Variants in SLIT3 observed in about 807,000 individuals in gnomAD.
The protein encoded by SLIT3 is slit homolog 3 protein.
SLIT3 carries 68 observed loss-of-function variants against 184.0 expected under a neutral mutation model. That is an observed-to-expected ratio of 0.37 (90% CI 0.30 to 0.45). The LOEUF (loss-of-function observed/expected upper bound fraction) is 0.45. Ranked by LOEUF, SLIT3 falls within the 20% of genes least tolerant of loss-of-function variation. The probability of loss-of-function intolerance (pLI) is 1.00; values close to 1 mark genes in which losing one functional copy is unlikely to be tolerated. For missense variants in SLIT3, 1,707 were observed against 2,026.0 expected, an observed-to-expected ratio of 0.84 and a Z score of 3.02; for synonymous variants, 831 against 828.6, an observed-to-expected ratio of 1.00 and a Z score of -0.05.
chr5:168,902,606 G>A (rs964282402), intron 4 of SLIT3, among the ~76,000 whole-genome samples: 9 of 152,206 alleles, frequency 5.9e-5, no homozygotes, highest in Non-Finnish European at 1.5e-5. Context: ...TGTATCATCT[G>A]GGAACTTGTT....
chr5:168,734,382 C>T (rs968156336), intron 20 of SLIT3, among the ~76,000 whole-genome samples: 1 of 152,158 alleles, frequency 6.6e-6, no homozygotes, highest in Admixed American at 6.5e-5. Context: ...ACTCCACTGG[C>T]CTTAACCTTC....
intron 1 of SLIT3, among the ~76,000 whole-genome samples, chr5:169,259,930 G>T (rs923472107): frequency 6.6e-6 from 1 of 152,084 alleles, no homozygotes; most frequent in Non-Finnish European, 1.5e-5. Context: ...AAACGTTAAG[G>T]GATGTGGTCT....
chr5:168,696,081 TG>T (rs1762056058), intron 28 of SLIT3, among the ~76,000 whole-genome samples: 2 of 152,082 alleles, frequency 1.3e-5, no homozygotes, highest in African/African-American at 4.8e-5. Flanking sequence ...CTGTTTCAAG[TG>T]GGAAGGAGCA....
chr5:169,115,177 T>G (rs567070234), intron 4 of SLIT3, among the ~76,000 whole-genome samples: 1 of 152,292 alleles, frequency 6.6e-6, no homozygotes, highest in Non-Finnish European at 1.5e-5. Flanking sequence ...ATCCCAAAAC[T>G]TTCTCATCTC....
intron 1 of SLIT3, among the ~76,000 whole-genome samples, chr5:169,266,938 G>C (rs1254510179): frequency 6.6e-6 from 1 of 152,134 alleles, no homozygotes; most frequent in Admixed American, 6.5e-5. Flanking sequence ...TTTTTAAGAA[G>C]GCCACTTAAC....
chr5:168,812,399 T>G (rs896658354), intron 8 of SLIT3, among the ~76,000 whole-genome samples: 1 of 152,214 alleles, frequency 6.6e-6, no homozygotes, highest in Non-Finnish European at 1.5e-5. Context: ...ACATGCTAAA[T>G]CCTCTGATTT....
At chr5:169,262,051 T>A (rs1275074725) in intron 1 of SLIT3, among the ~76,000 whole-genome samples, 2 of 152,142 alleles carry the variant, frequency 1.3e-5, no homozygotes, top group South Asian at 4.2e-4. Flanking sequence ...TGGAAGCAGG[T>A]CCTTCTCCAG....
chr5:168,738,811 G>A lies in SLIT3; in HGVS notation c.2270+9491C>T, dbSNP rs1049147350. ...AAATTAGCCGGGCGCGGTGGCGGGC[G>A]CCTGTAGTCCCAGCTGCTGGGGAGG... On this transcript the variant is annotated intron_variant, in intron 20 of 35. Coordinates refer to ENST00000519560, the MANE Select transcript of SLIT3 (RefSeq NM_003062.4). Among the ~76,000 whole-genome samples the A allele has an allele frequency of 3.3e-5, 5 of 151,898 alleles. No individual in the cohort carries two copies. In the South Asian group the frequency reaches 6.2e-4, roughly 19 times the overall value.
intron 14 of SLIT3, chr5:168,772,570 T>TTGTGTG (rs538634517): frequency 4.6e-5 from 23 of 497,302 alleles, no homozygotes; most frequent in African/African-American, 2.5e-4. Context: ...CATGCTTTTA[T>TTGTGTG]TGTGTGTGTG....
Position 168,665,409 on chromosome 5 carries a change from C to G in SLIT3, c.*1045G>C, listed in dbSNP as rs183280217. ...AGCGCTGTGGGCAGACTTGACTTGG[C>G]TCCCAGCCTTCCGCTTCCAAGAAGG... is the stretch of plus-strand genomic sequence containing the variant. On this transcript the variant is annotated 3_prime_UTR_variant, in exon 36 of 36. Coordinates refer to ENST00000519560, the MANE Select transcript of SLIT3 (RefSeq NM_003062.4). The G allele has an allele frequency of 6.6e-6, 1 of 152,310 alleles. No homozygotes were observed. The highest frequency in any genetic ancestry group is 1.5e-5 in the Non-Finnish European group (1 of 68,052). The allele number at this position is 152,310 out of a possible 1,614,324, so 9.4% of individuals were successfully genotyped here. A position where few individuals can be genotyped will look rare whatever the true frequency, so the allele number is the denominator to read the frequency against.
chr5:168,844,671 G>A lies in SLIT3; in HGVS notation c.486-16C>T, dbSNP rs750960725. The A allele has an allele frequency of 1.2e-6, 2 of 1,613,932 alleles. No homozygotes were observed. The highest frequency in any genetic ancestry group is 1.7e-6 in the Non-Finnish European group (2 of 1,179,892). ...GTCCAGTTGCCTGTGGAAAAGCAGG[G>A]GAGAGCATGAAGGCTGAGCGGGGGC... On this transcript the variant is annotated splice_polypyrimidine_tract_variant and intron_variant, in intron 5 of 35. Transcript: ENST00000519560.
chr5:169,165,448 A>C (rs1226082172), intron 4 of SLIT3, among the ~76,000 whole-genome samples: 3 of 152,240 alleles, frequency 2.0e-5, no homozygotes, highest in Non-Finnish European at 2.9e-5. Context: ...TAATCTGCTA[A>C]ATATGAAGAT....
chr5:169,002,371 C>CAAAAAAAA (rs1755743856), intron 4 of SLIT3, among the ~76,000 whole-genome samples: 1 of 96,728 alleles, frequency 1.0e-5, no homozygotes, highest in African/African-American at 4.1e-5. Context: ...AAAGAAAAAG[C>CAAAAAAAA]AATGGGGCAT....
chr5:168,804,310 C>CAAAAAAAAAAAA (rs770650322), intron 9 of SLIT3, among the ~76,000 whole-genome samples: 21 of 52,354 alleles, frequency 4.0e-4, no homozygotes, highest in South Asian at 1.2e-3. Flanking sequence ...AACTCTTTCT[C>CAAAAAAAAAAAA]AAAAAAAAAA....
chr5:169,237,745 C>T (rs1765253395), intron 3 of SLIT3, among the ~76,000 whole-genome samples: 1 of 151,978 alleles, frequency 6.6e-6, no homozygotes, highest in Admixed American at 6.6e-5. Context: ...CCATTTCTTT[C>T]CTTTATAGGG....
At chr5:169,050,622 C>T (rs983593591) in intron 4 of SLIT3, among the ~76,000 whole-genome samples, 1 of 152,092 alleles carries the variant, frequency 6.6e-6, no homozygotes, top group Non-Finnish European at 1.5e-5. Context: ...AAATAAAATG[C>T]CAATTAATGT....
At chr5:169,118,127 A>C (rs895717426) in intron 4 of SLIT3, among the ~76,000 whole-genome samples, 3 of 152,220 alleles carry the variant, frequency 2.0e-5, no homozygotes, top group Non-Finnish European at 4.4e-5. Flanking sequence ...GCACTGAGCT[A>C]TGATCACATT....
At chr5:168,891,252 C>T (rs1760444795) in intron 4 of SLIT3, among the ~76,000 whole-genome samples, 1 of 152,092 alleles carries the variant, frequency 6.6e-6, no homozygotes, top group Admixed American at 6.5e-5. Context: ...GGGCAAAATG[C>T]CTGTGGGATA....
At chr5:168,695,457 A>C (rs1215885286) in intron 28 of SLIT3, among the ~76,000 whole-genome samples, 1 of 152,176 alleles carries the variant, frequency 6.6e-6, no homozygotes, top group Non-Finnish European at 1.5e-5. Flanking sequence ...TACACCAAGA[A>C]GAAGGTTATT....
Sources: allele counts gnomAD v4.1 joint callset (sites outside exome capture counted in the v4.1 genomes callset), GRCh38; gene constraint gnomAD v4.1.1; transcripts MANE v1.5; gene names NCBI Gene and HGNC (gene_info 2026-07-23, HGNC 2026-07-21).